Variants in HPSE2 observed in about 807,000 individuals in gnomAD.
HPSE2 encodes heparanase 2 (inactive).
HPSE2 carries 38 observed loss-of-function variants against 60.5 expected under a neutral mutation model. That is an observed-to-expected ratio of 0.63 (90% CI 0.48 to 0.82). The LOEUF is 0.82. HPSE2 is among the 40% of genes least tolerant of loss of function. The pLI, the probability that HPSE2 is intolerant of heterozygous loss-of-function variation, is 0.00. For synonymous variants in HPSE2, 295 were observed against 293.2 expected, an observed-to-expected ratio of 1.01 and a Z score of -0.06; for missense variants, 713 against 740.4, an observed-to-expected ratio of 0.96 and a Z score of 0.43.
At chr10:98,740,954 T>C (rs1165403308) in intron 4 of HPSE2, among the ~76,000 whole-genome samples, 1 of 152,196 alleles carries the variant, frequency 6.6e-6, no homozygotes, top group East Asian at 1.9e-4. Context: ...TTAAGAGAGA[T>C]GATTCTAGTA....
rs11189815 is a variant in HPSE2, at chr10:98,775,475, G to A, written c.611-31419C>T. 6.5e-3 allele frequency among the ~76,000 whole-genome samples: 986 copies of A among 152,310 alleles called. 11 individuals are homozygous for A. Among genetic ancestry groups the A allele is most frequent in the African/African-American group, 0.023 (944 of 41,568 alleles). ...ATTCTCTAGTCTAGTTGGGGCAAAT[G>A]CAATCTGTGATGAAGCCCAACAATT... On this transcript the variant is annotated intron_variant, in intron 3 of 11. Coordinates refer to ENST00000370552, the MANE Select transcript of HPSE2 (RefSeq NM_021828.5).
At chr10:98,996,300 A>G (rs1956640683) in intron 3 of HPSE2, among the ~76,000 whole-genome samples, 1 of 152,224 alleles carries the variant, frequency 6.6e-6, no homozygotes. Flanking sequence ...AGTTAAAATA[A>G]CAAGATAACA....
In HPSE2 at chr10:99,187,211, G is replaced by A. The variant is rs902600683; in HGVS notation, c.449-42812C>T. Among the ~76,000 whole-genome samples the A allele has an allele frequency of 3.3e-5, 5 of 151,980 alleles. No homozygotes were observed. The South Asian group carries it at 8.3e-4, about 25-fold the overall frequency. On this transcript the variant is annotated intron_variant, in intron 2 of 11. Coordinates refer to ENST00000370552, the MANE Select transcript of HPSE2 (RefSeq NM_021828.5). Reference sequence around the variant, plus strand: ...GTAACAATGTTTCAAGCAAAGATGGGAACAAAAAATTTCATGTATGGAATA... The same window carrying A: ...GTAACAATGTTTCAAGCAAAGATGGAAACAAAAAATTTCATGTATGGAATA...
chr10:98,515,451 T>A (rs1942571655), intron 9 of HPSE2, among the ~76,000 whole-genome samples: 1 of 152,220 alleles, frequency 6.6e-6, no homozygotes. Context: ...TAGATCCAAC[T>A]ATGGATACTT....
At chr10:98,987,625 T>A (rs1344497269) in intron 3 of HPSE2, among the ~76,000 whole-genome samples, 1 of 152,112 alleles carries the variant, frequency 6.6e-6, no homozygotes, top group Non-Finnish European at 1.5e-5. Context: ...TTCAACATAA[T>A]GTTGGAAGTT....
intron 3 of HPSE2, among the ~76,000 whole-genome samples, chr10:98,771,781 T>C (rs567367241): frequency 1.4e-4 from 22 of 152,192 alleles, no homozygotes; most frequent in African/African-American, 4.8e-4. Context: ...GCAAACTCCC[T>C]GCTAGGGTGA....
intron 3 of HPSE2, among the ~76,000 whole-genome samples, chr10:99,131,209 C>T (rs376257309): frequency 1.3e-5 from 2 of 152,170 alleles, no homozygotes; most frequent in East Asian, 1.9e-4. Context: ...TAAAAGCCAT[C>T]TATGACAAAC....
intron 5 of HPSE2, among the ~76,000 whole-genome samples, chr10:98,714,892 G>C (rs1015940436): frequency 2.0e-5 from 3 of 151,672 alleles, no homozygotes; most frequent in Admixed American, 6.6e-5. Flanking sequence ...GATGTGAGGT[G>C]GTATCTCGCT....
chr10:99,188,667 A>T (rs544850448), intron 2 of HPSE2, among the ~76,000 whole-genome samples: 1 of 152,356 alleles, frequency 6.6e-6, no homozygotes, highest in Admixed American at 6.5e-5. Flanking sequence ...TCTTAAAGCC[A>T]CTGTAATAAG....
chr10:98,651,951 T>G (rs1946928502), intron 6 of HPSE2, among the ~76,000 whole-genome samples: 1 of 152,074 alleles, frequency 6.6e-6, no homozygotes, highest in Middle Eastern at 3.2e-3. Flanking sequence ...TTTGTATTTT[T>G]GGTAGAGACA....
intron 2 of HPSE2, among the ~76,000 whole-genome samples, chr10:99,232,101 A>G (rs1253556686): frequency 3.3e-5 from 5 of 152,084 alleles, no homozygotes; most frequent in East Asian, 1.9e-4. Flanking sequence ...CCTTTGCGCA[A>G]TGAGGTCAGG....
chr10:98,989,111 A>T (rs1186564193), intron 3 of HPSE2, among the ~76,000 whole-genome samples: 2 of 152,076 alleles, frequency 1.3e-5, no homozygotes, highest in African/African-American at 4.8e-5. Context: ...ATCTAGAACT[A>T]GAAATACCAC....
At chr10:99,314,621 G>T in the HPSE2 span, among the ~76,000 whole-genome samples, 1 of 152,080 alleles carries the variant, frequency 6.6e-6, no homozygotes, top group African/African-American at 2.4e-5. Flanking sequence ...CAAAACCCGC[G>T]GTATCCCCGA....
At chr10:98,805,191 C>T (rs534444511) in intron 3 of HPSE2, among the ~76,000 whole-genome samples, 166 of 152,148 alleles carry the variant, frequency 1.1e-3, no homozygotes, top group Non-Finnish European at 1.8e-3. Flanking sequence ...CCCATTTATG[C>T]CCAGTGTTCT....
chr10:99,269,825 A>G, the HPSE2 span, among the ~76,000 whole-genome samples: 4 of 152,214 alleles, frequency 2.6e-5, no homozygotes, highest in African/African-American at 9.6e-5. Flanking sequence ...TCCGAAAGGA[A>G]CCCTCAAAAC....
In HPSE2 at chr10:99,232,246, CACACACACACGAACACACAG is replaced by C. The variant is rs1849676041; in HGVS notation, c.448+82_448+101del. The C allele has an allele frequency of 2.6e-5, 36 of 1,359,292 alleles. 1 individual carries two copies. Among genetic ancestry groups the C allele is most frequent in the East Asian group, 5.2e-5 (2 of 38,662 alleles). 84.2% of individuals were successfully genotyped at this position (1,359,292 alleles called of 1,614,324 possible). ...ACACACACACACACACACACACACA[CACACACACACGAACACACAG>C]ACACACGAACACACAGATACACAAA... On this transcript the variant is annotated intron_variant, in intron 2 of 11. Coordinates refer to ENST00000370552, the MANE Select transcript of HPSE2 (RefSeq NM_021828.5).
intron 3 of HPSE2, among the ~76,000 whole-genome samples, chr10:98,937,607 C>A (rs2135134954): frequency 6.9e-6 from 1 of 143,898 alleles, no homozygotes; most frequent in Admixed American, 6.9e-5. Flanking sequence ...GTGGAGCCCA[C>A]CACAGCTCAA....
At chr10:98,962,609 G>A (rs915530709) in intron 3 of HPSE2, among the ~76,000 whole-genome samples, 6 of 150,312 alleles carry the variant, frequency 4.0e-5, no homozygotes, top group African/African-American at 1.5e-4. Flanking sequence ...GGAAATAAAG[G>A]GTATTCAATT....
chr10:98,818,149 A>G (rs1951335364), intron 3 of HPSE2, among the ~76,000 whole-genome samples: 1 of 152,180 alleles, frequency 6.6e-6, no homozygotes. Context: ...AATCTGTGTT[A>G]TTCAATGTTT....
Sources: allele counts gnomAD v4.1 joint callset (sites outside exome capture counted in the v4.1 genomes callset), GRCh38; gene constraint gnomAD v4.1.1; transcripts MANE v1.5; gene names NCBI Gene and HGNC (gene_info 2026-07-23, HGNC 2026-07-21).